Variants in CCM2 observed in about 807,000 individuals in gnomAD.
CCM2 encodes CCM2 scaffold protein.
In CCM2, 25 loss-of-function variants were observed where a neutral mutation model predicts 44.9. The ratio of observed to expected loss-of-function variants is 0.56; its 90% CI spans 0.41 to 0.78. The LOEUF (loss-of-function observed/expected upper bound fraction) is 0.78. Among genes scored for constraint, CCM2 ranks in the 30% least tolerant of loss-of-function variants. CCM2 has a pLI of 0.00. For synonymous variants in CCM2, 219 were observed against 241.1 expected (o/e 0.91, Z 0.85); for missense variants, 481 against 580.6 (o/e 0.83, Z 1.76).
intron 1 of CCM2, among the ~76,000 whole-genome samples, chr7:45,023,973 G>C (rs1215259085): frequency 6.6e-6 from 1 of 151,958 alleles, no homozygotes. Context: ...ACCACGCCCT[G>C]CTAATTTTGT....
chr7:45,048,858 A>G (rs953410397), intron 2 of CCM2, among the ~76,000 whole-genome samples: 1 of 152,198 alleles, frequency 6.6e-6, no homozygotes, highest in Non-Finnish European at 1.5e-5. Context: ...TCACCTAGTG[A>G]CTATGAATGG....
intron 2 of CCM2, among the ~76,000 whole-genome samples, chr7:45,056,815 A>C (rs1010869584): frequency 6.6e-6 from 1 of 152,108 alleles, no homozygotes; most frequent in African/African-American, 2.4e-5. Flanking sequence ...AAAAGTGTTT[A>C]ATTTTGGTGA....
chr7:45,010,006 C>A (rs1017881523), intron 1 of CCM2, among the ~76,000 whole-genome samples: 1 of 151,860 alleles, frequency 6.6e-6, no homozygotes, highest in Non-Finnish European at 1.5e-5. Flanking sequence ...ACTTCCCAGA[C>A]TCAAGTGATC....
intron 1 of CCM2, among the ~76,000 whole-genome samples, chr7:45,033,604 G>T (rs1207251884): frequency 6.6e-6 from 1 of 152,208 alleles, no homozygotes; most frequent in Non-Finnish European, 1.5e-5. Context: ...GGGCTAGCAG[G>T]CAGAAATGGT....
chr7:45,068,647 C>G (rs1468409350), intron 5 of CCM2, 68 bp downstream of exon 5: 36 of 1,590,342 alleles, frequency 2.3e-5, no homozygotes, highest in Non-Finnish European at 2.8e-5. Context: ...CCAGCCCCAC[C>G]CTGGCCACAC....
chr7:45,040,530 G>A (rs1170875446), intron 2 of CCM2, among the ~76,000 whole-genome samples: 2 of 152,200 alleles, frequency 1.3e-5, no homozygotes, highest in Admixed American at 6.5e-5. Context: ...GGAAGAGTGA[G>A]AAGAAGTTAT....
chr7:45,033,425 A>G (rs1454424623), intron 1 of CCM2, among the ~76,000 whole-genome samples: 1 of 152,194 alleles, frequency 6.6e-6, no homozygotes, highest in Non-Finnish European at 1.5e-5. Context: ...CCTGTCTCAG[A>G]GTTGGTTTCC....
At position 45,068,593 on chromosome 7, in the gene CCM2, G is replaced by A. The variant is rs1434066255; in HGVS notation, c.609+14G>A. 12 of 1,613,428 alleles carry A rather than the reference G, an allele frequency of 7.4e-6. 1 individual carries two copies. The highest frequency in any genetic ancestry group is 2.2e-5 in the East Asian group (1 of 44,880). On this transcript the variant is annotated intron_variant, in intron 5 of 9. Coordinates refer to ENST00000258781, the MANE Select transcript of CCM2 (RefSeq NM_031443.4). ...GCAGAGAGCAAGGTGAGACTTTCTCGCCCCACTTACTCAGAACTGGCTCCT... is the reference window on the plus strand; with the variant it reads ...GCAGAGAGCAAGGTGAGACTTTCTCACCCCACTTACTCAGAACTGGCTCCT...
chr7:45,000,459 G>GC (rs995806720), intron 1 of CCM2, 96 bp downstream of exon 1: 26 of 316,358 alleles, frequency 8.2e-5, no homozygotes, highest in South Asian at 1.8e-4. Flanking sequence ...GGGCCCGGGG[G>GC]GGGGGGCAGT....
At chr7:45,023,163 T>C (rs563998973) in intron 1 of CCM2, among the ~76,000 whole-genome samples, 1 of 152,320 alleles carries the variant, frequency 6.6e-6, no homozygotes, top group Non-Finnish European at 1.5e-5. Context: ...ATTATATCAC[T>C]CTGTGTGCCT....
At chr7:45,063,621 C>G (rs538060769) in intron 2 of CCM2, among the ~76,000 whole-genome samples, 4 of 152,336 alleles carry the variant, frequency 2.6e-5, no homozygotes, top group Admixed American at 1.3e-4. Flanking sequence ...AATACAGATT[C>G]TACCAAAACT....
At position 45,000,240 on chromosome 7, in the gene CCM2, C is replaced by T. The variant is rs1335817523; in HGVS notation, c.-94C>T. ...CGGCTGGCGGGCGGCGCCGGGAGCG[C>T]GGGGGCGGCGGGCCCGGGTCGAGCA... On this transcript the variant is annotated 5_prime_UTR_variant, in exon 1 of 10. Transcript: ENST00000258781. The T allele has an allele frequency of 8.5e-5, 57 of 671,012 alleles. No homozygotes were observed. The highest frequency in any genetic ancestry group is 1.3e-4 in the African/African-American group (3 of 22,664). The allele number at this position is 671,012 out of a possible 1,614,324, so 41.6% of individuals were successfully genotyped here.
rs1469968795 is a variant in CCM2, at chr7:45,075,891, G to A, written c.1169G>A (p.Arg390Gln). 15 of 1,613,264 alleles carry A rather than the reference G, an allele frequency of 9.3e-6. No individual in the cohort carries two copies. Among genetic ancestry groups the A allele is most frequent in the East Asian group, 6.7e-5 (3 of 44,886 alleles). Reference protein sequence around the residue: ...IITDSFGRHRRALSTTSSSTT... With the variant: ...IITDSFGRHRQALSTTSSSTT... ...ACTGACAGCTTTGGCAGGCACCGGC[G>A]GGCCCTGAGCACCACATCCAGTTCC... is the stretch of plus-strand genomic sequence containing the variant. The change falls in exon 10 of 10, where the codon CGG becomes CAG. Residue 390 changes from arginine to glutamine, a missense_variant. Physicochemically the swap from Arg to Gln is conservative, Grantham distance 43 (BLOSUM62 1). Transcript: ENST00000258781.
rs1313946104 is a variant in CCM2, at chr7:45,061,671, G to C, written c.205-2247G>C. Among the ~76,000 whole-genome samples, 4 of 151,850 alleles carry C rather than the reference G, an allele frequency of 2.6e-5. No individual in the cohort carries two copies. The East Asian group carries it at 7.7e-4, about 29-fold the overall frequency. On this transcript the variant is annotated intron_variant, in intron 2 of 9. Coordinates refer to ENST00000258781, the MANE Select transcript of CCM2 (RefSeq NM_031443.4). ...TTGCTGTTGTTGTTCTTGTTGTAGA[G>C]ATAGGGTCTCACCATGTTTCCCAGG... is the stretch of plus-strand genomic sequence containing the variant.
intron 2 of CCM2, among the ~76,000 whole-genome samples, chr7:45,056,765 G>A (rs907641282): frequency 6.6e-6 from 1 of 152,294 alleles, no homozygotes; most frequent in Admixed American, 6.5e-5. Flanking sequence ...CTCCCATACT[G>A]TGGGTTTTTT....
Position 45,058,099 on chromosome 7 carries a change from A to G in CCM2, c.205-5819A>G, listed in dbSNP as rs564758420. Among the ~76,000 whole-genome samples, 75 of 152,366 alleles carry G rather than the reference A, an allele frequency of 4.9e-4. No individual in the cohort carries two copies. The Middle Eastern group carries it at 0.01, about 21-fold the overall frequency. ...ACGTTGCTTGGATTCGGAAATCTCCAGAGTGACCTCCTTGCTTGGTTCCCA... is the reference window on the plus strand; with the variant it reads ...ACGTTGCTTGGATTCGGAAATCTCCGGAGTGACCTCCTTGCTTGGTTCCCA... On this transcript the variant is annotated intron_variant, in intron 2 of 9. Transcript: ENST00000258781.
chr7:45,008,683 G>T (rs1430442027), intron 1 of CCM2, among the ~76,000 whole-genome samples: 1 of 152,146 alleles, frequency 6.6e-6, no homozygotes, highest in Non-Finnish European at 1.5e-5. Context: ...TTCTTAATGA[G>T]ATGCCTTGGT....
chr7:45,028,852 C>T (rs1009770352), intron 1 of CCM2, among the ~76,000 whole-genome samples: 1 of 151,550 alleles, frequency 6.6e-6, no homozygotes, highest in Admixed American at 6.6e-5. Flanking sequence ...TGTGGAAATT[C>T]ACATAGGCAG....
intron 2 of CCM2, among the ~76,000 whole-genome samples, chr7:45,062,707 T>C (rs1194253847): frequency 6.6e-6 from 1 of 151,816 alleles, no homozygotes; most frequent in Non-Finnish European, 1.5e-5. Context: ...ACACCTGTAG[T>C]ACCAGCTACT....
Sources: allele counts gnomAD v4.1 joint callset (sites outside exome capture counted in the v4.1 genomes callset), GRCh38; gene constraint gnomAD v4.1.1; transcripts MANE v1.5; gene names NCBI Gene and HGNC (gene_info 2026-07-23, HGNC 2026-07-21).